ACTN2: variants seen among roughly 807,000 people sequenced by gnomAD.
The protein encoded by ACTN2 is actinin alpha 2, also known as alpha-actinin-2.
In ACTN2, 39 loss-of-function variants were observed where a neutral mutation model predicts 113.8. The observed-to-expected ratio is 0.34, with a 90% confidence interval of 0.27 to 0.45. The LOEUF is 0.45. ACTN2 is among the 20% of genes least tolerant of loss of function. The pLI is 1.00. For synonymous variants in ACTN2, 429 were observed against 444.1 expected (o/e 0.97, Z 0.43); for missense variants, 992 against 1,177.9 (o/e 0.84, Z 2.31).
At chr1:236,708,763 A>G (rs1372476426) in intron 1 of ACTN2, among the ~76,000 whole-genome samples, 1 of 152,198 alleles carries the variant, frequency 6.6e-6, no homozygotes, top group African/African-American at 2.4e-5. Context: ...CTCCACGCAG[A>G]TTGCAGGACT....
At chr1:236,703,258 C>T (rs1009353444) in intron 1 of ACTN2, among the ~76,000 whole-genome samples, 49 of 152,168 alleles carry the variant, frequency 3.2e-4, no homozygotes, top group Non-Finnish European at 6.2e-4. Context: ...AATATGGTTA[C>T]TTACCAGAAA....
chr1:236,738,475 G>A (rs1558240760), intron 9 of ACTN2, among the ~76,000 whole-genome samples: 1 of 152,242 alleles, frequency 6.6e-6, no homozygotes, highest in Non-Finnish European at 1.5e-5. Flanking sequence ...GGCAGTGACA[G>A]GGTTGCCAGA....
rs1659759710 is a variant in ACTN2 at position 236,763,150 on chromosome 1, T to C, written c.*531T>C. On this transcript the variant is annotated 3_prime_UTR_variant, in exon 21 of 21. Transcript: ENST00000366578. ...CTATTGTATCTTCAAATGAATTTAA[T>C]ATTGTGAGATGGAACTGCCGGGGAT... The C allele has an allele frequency of 3.1e-5, 5 of 161,340 alleles. No homozygotes were observed. In the South Asian group the frequency reaches 8.4e-4, roughly 27 times the overall value. 10.0% of individuals were successfully genotyped at this position (161,340 alleles called of 1,614,324 possible).
intron 7 of ACTN2, among the ~76,000 whole-genome samples, chr1:236,731,515 G>T (rs192122725): frequency 6.6e-6 from 1 of 152,258 alleles, no homozygotes; most frequent in Admixed American, 6.5e-5. Context: ...TTTAAAAATT[G>T]TACCCTCAAA....
intron 7 of ACTN2, 79 bp from the exon 8 acceptor site, chr1:236,735,556 T>C: frequency 7.7e-7 from 1 of 1,291,246 alleles, no homozygotes; most frequent in South Asian, 1.2e-5. Flanking sequence ...CCCTCTGTTC[T>C]CCCTGGTTTC....
At chr1:236,700,122 T>C (rs1427764707) in intron 1 of ACTN2, among the ~76,000 whole-genome samples, 1 of 152,202 alleles carries the variant, frequency 6.6e-6, no homozygotes, top group Non-Finnish European at 1.5e-5. Flanking sequence ...TGCCTAAAAA[T>C]GAAAGATTCC....
intron 15 of ACTN2, among the ~76,000 whole-genome samples, chr1:236,753,538 C>G (rs913070837): frequency 6.6e-6 from 1 of 152,198 alleles, no homozygotes; most frequent in South Asian, 2.1e-4. Flanking sequence ...CATTTTAATC[C>G]GAGATGGTGA....
chr1:236,750,875 G>C (rs1047748730), intron 14 of ACTN2, among the ~76,000 whole-genome samples: 4 of 151,930 alleles, frequency 2.6e-5, no homozygotes, highest in African/African-American at 9.7e-5. Flanking sequence ...GATCACTTGA[G>C]GCCAGGAGTT....
Position 236,735,735 on chromosome 1 carries a change from TC to T in ACTN2, c.783+17del, listed in dbSNP as rs1658852830. ...GCGCGGAGCAGGTACTCAACACTTG[TC>T]CGTCCGGGCTGTTGTGTTACTCTCT... On this transcript the variant is annotated intron_variant, in intron 8 of 20. Coordinates refer to ENST00000366578, the MANE Select transcript of ACTN2 (RefSeq NM_001103.4). 6.2e-7 allele frequency: 1 copy of T among 1,611,174 alleles called. No homozygotes were observed. Among genetic ancestry groups the T allele is most frequent in the African/African-American group, 1.3e-5 (1 of 74,858 alleles).
At chr1:236,689,127 T>G (rs148502325) in intron 1 of ACTN2, among the ~76,000 whole-genome samples, 101 of 152,126 alleles carry the variant, frequency 6.6e-4, no homozygotes, top group African/African-American at 2.3e-3. Flanking sequence ...TTAGCATGAG[T>G]GCGAATAGGC....
At chr1:236,715,210 G>A (rs554629990) in intron 1 of ACTN2, among the ~76,000 whole-genome samples, 37 of 150,846 alleles carry the variant, frequency 2.5e-4, no homozygotes, top group African/African-American at 8.8e-4. Flanking sequence ...ACAACGTGTA[G>A]GTTTGTTACA....
At chr1:236,718,107 T>G (rs10925203) in intron 2 of ACTN2, 135 bp downstream of exon 2, 1 of 706,530 alleles carries the variant, frequency 1.4e-6, no homozygotes, top group Non-Finnish European at 2.5e-6. Context: ...AGAAAACCTT[T>G]CCAAAGAACA....
chr1:236,744,810 C>T, intron 12 of ACTN2, 34 bp downstream of exon 12: 1 of 1,613,546 alleles, frequency 6.2e-7, no homozygotes, highest in Non-Finnish European at 8.5e-7. Context: ...TCCCGGGAGC[C>T]CCTGGGATTC....
intron 1 of ACTN2, among the ~76,000 whole-genome samples, chr1:236,696,655 G>A (rs1657509612): frequency 1.4e-5 from 2 of 147,888 alleles, no homozygotes; most frequent in South Asian, 4.3e-4. Context: ...CTTTACTGCT[G>A]TTGTCCCACT....
chr1:236,704,991 C>G (rs1338725200), intron 1 of ACTN2, among the ~76,000 whole-genome samples: 1 of 152,164 alleles, frequency 6.6e-6, no homozygotes, highest in Non-Finnish European at 1.5e-5. Flanking sequence ...AAATGAGGGT[C>G]TTATGACCGA....
chr1:236,727,636 C>G (rs2102906362), intron 5 of ACTN2, 42 bp from the exon 6 acceptor site: 3 of 1,605,590 alleles, frequency 1.9e-6, no homozygotes, highest in Admixed American at 1.7e-5. Context: ...GCTTCTTTCT[C>G]TCCACTAACA....
At chr1:236,732,425 C>CTTTTTCT (rs140816842) in intron 7 of ACTN2, among the ~76,000 whole-genome samples, 18 of 145,800 alleles carry the variant, frequency 1.2e-4, no homozygotes, top group Middle Eastern at 3.5e-3. Context: ...TTTTCTTTTT[C>CTTTTTCT]TTTTTATTTT....
chr1:236,722,403 A>G (rs559839479), intron 4 of ACTN2, among the ~76,000 whole-genome samples: 73 of 152,244 alleles, frequency 4.8e-4, no homozygotes, highest in African/African-American at 1.6e-3. Flanking sequence ...TTGGGAGGCC[A>G]AGGTGAGTGG....
intron 10 of ACTN2, 87 bp downstream of exon 10, chr1:236,739,619 T>C (rs1659007825): frequency 6.9e-7 from 1 of 1,440,402 alleles, no homozygotes. Context: ...GGAGGAGGCA[T>C]TGACTTCTTG....
Sources: allele counts gnomAD v4.1 joint callset (sites outside exome capture counted in the v4.1 genomes callset), GRCh38; gene constraint gnomAD v4.1.1; transcripts MANE v1.5; gene names NCBI Gene and HGNC (gene_info 2026-07-23, HGNC 2026-07-21).